Variants in MYO15A observed in about 807,000 individuals in gnomAD.
MYO15A encodes myosin XVA, also known as unconventional myosin-XV.
Under a neutral mutation model 394.6 loss-of-function variants are expected in MYO15A, and 308 were observed. The ratio of observed to expected loss-of-function variants is 0.78; its 90% confidence interval spans 0.71 to 0.86. MYO15A has a LOEUF of 0.86. MYO15A is among the 40% of genes least tolerant of loss of function. The pLI is 0.00. For missense variants in MYO15A, 4,606 were observed against 4,799.1 expected (o/e 0.96, Z 1.19); for synonymous variants, 1,957 against 2,003.8 (o/e 0.98, Z 0.62).
intron 23 of MYO15A, 95 bp from the exon 24 acceptor site, chr17:18,141,984 T>A: frequency 4.0e-6 from 6 of 1,501,900 alleles, no homozygotes; most frequent in Non-Finnish European, 5.5e-6. Context: ...GAGGCTGCCC[T>A]GCCTATTCTG....
At chr17:18,154,240 T>G in intron 44 of MYO15A, 50 bp downstream of exon 44, 1 of 1,603,736 alleles carries the variant, frequency 6.2e-7, no homozygotes, top group Non-Finnish European at 8.5e-7. Context: ...CAGGGCTGTG[T>G]GGACGCAAAG....
rs748846340 is a variant in MYO15A at position 18,148,063 on chromosome 17, G to A, written c.6544G>A (p.Ala2182Thr). The A allele has an allele frequency of 1.2e-6, 2 of 1,613,968 alleles. No individual in the cohort carries two copies. Among genetic ancestry groups the A allele is most frequent in the Non-Finnish European group, 1.7e-6 (2 of 1,180,036 alleles). ...VSDYGRNGFQAVCQHRLMQAM... is the reference protein window; with the variant it reads ...VSDYGRNGFQTVCQHRLMQAM... Reference sequence around the variant, plus strand: ...TGATTATGGGCGGAATGGCTTCCAGGCTGTGTGTCAGCACCGCCTCATGCA... The same window carrying A: ...TGATTATGGGCGGAATGGCTTCCAGACTGTGTGTCAGCACCGCCTCATGCA... The change falls in exon 31 of 66, where the codon GCT (alanine) becomes ACT (threonine). Residue 2182 changes from alanine to threonine, a missense_variant. Physicochemically the swap from Ala to Thr is moderately conservative, Grantham distance 58 (BLOSUM62 0). Around this residue, in one of 2 missense-constraint regions of MYO15A, gnomAD observed 2,776 missense variants for 3,109.3 expected, o/e 0.89. Coordinates refer to ENST00000647165, the MANE Select transcript of MYO15A (RefSeq NM_016239.4). The surrounding 1 kb of genome is among the most constrained non-coding windows in gnomAD (Gnocchi z 4.8).
intron 7 of MYO15A, among the ~76,000 whole-genome samples, chr17:18,128,300 T>C (rs1340325754): frequency 6.6e-6 from 1 of 152,146 alleles, no homozygotes; most frequent in Non-Finnish European, 1.5e-5. Flanking sequence ...ACCACCAGCC[T>C]GGAGCTCAGG....
intron 22 of MYO15A, 112 bp downstream of exon 22, chr17:18,141,255 T>C (rs2046374285): frequency 6.7e-7 from 1 of 1,498,582 alleles, no homozygotes; most frequent in African/African-American, 1.4e-5. Flanking sequence ...GTTGCTCAGG[T>C]TGTACACTTC....
At chr17:18,178,236 GGTGCATGCCTGTA>G (rs1171361979) in intron 65 of MYO15A, 1 of 200,712 alleles carries the variant, frequency 5.0e-6, no homozygotes, top group East Asian at 1.2e-4. Flanking sequence ...TGGGCGTGGT[GGTGCATGCCTGTA>G]GTCTCAGCTA....
intron 46 of MYO15A, 42 bp from the exon 47 acceptor site, chr17:18,155,272 T>G: frequency 1.2e-6 from 2 of 1,613,670 alleles, no homozygotes; most frequent in Non-Finnish European, 1.7e-6. Context: ...GATTCAGGGA[T>G]GAGACAAGAG....
Position 18,141,676 on chromosome 17 carries a change from A to G in MYO15A, c.5555A>G (p.Lys1852Arg). The change falls in exon 23 of 66, where the codon AAG becomes AGG. Residue 1852 changes from lysine to arginine, a missense_variant. By Grantham distance (26) the Lys-to-Arg change is conservative. Transcript: ENST00000647165. Reference protein sequence around the residue: ...IDRYCCLVALKHDLPANGDMC... With the variant: ...IDRYCCLVALRHDLPANGDMC... ...AGGTACTGCTGTCTAGTGGCCCTCAAGCATGACCTGCCGGCTAATGGGGAC... is the reference window on the plus strand; with the variant it reads ...AGGTACTGCTGTCTAGTGGCCCTCAGGCATGACCTGCCGGCTAATGGGGAC... 1 of 1,614,052 alleles carries G rather than the reference A, an allele frequency of 6.2e-7. No individual in the cohort carries two copies.
intron 60 of MYO15A, among the ~76,000 whole-genome samples, chr17:18,165,766 C>T (rs566324481): frequency 5.3e-5 from 8 of 152,200 alleles, no homozygotes; most frequent in Non-Finnish European, 1.2e-4. Context: ...GTAATCATAC[C>T]AAACTCCCTC....
chr17:18,153,009 T>A lies in MYO15A; in HGVS notation c.7967-766T>A, dbSNP rs2046609532. ...CAGTGAGAGCTTTGTTTCTGAATGA[T>A]CTGTGCCACCCACACCTGCCATGGG... is the stretch of plus-strand genomic sequence containing the variant. On this transcript the variant is annotated intron_variant, in intron 42 of 65. Coordinates refer to ENST00000647165, the MANE Select transcript of MYO15A (RefSeq NM_016239.4). The surrounding 1 kb of genome is among the most constrained non-coding windows in gnomAD (Gnocchi z 4.1). Among the ~76,000 whole-genome samples the A allele has an allele frequency of 1.3e-5, 2 of 152,328 alleles. No homozygotes were observed. Among genetic ancestry groups the A allele is most frequent in the South Asian group, 4.1e-4 (2 of 4,832 alleles).
At position 18,172,165 on chromosome 17, in the gene MYO15A, A is replaced by T. The variant is rs767149302; in HGVS notation, c.10225A>T (p.Ser3409Cys). The change falls in exon 64 of 66, where the codon AGC becomes TGC. Residue 3409 changes from serine to cysteine, a missense_variant. By Grantham distance (112) the Ser-to-Cys change is moderately radical (BLOSUM62 -1). Around this residue, in one of 2 missense-constraint regions of MYO15A, gnomAD observed 2,776 missense variants for 3,109.3 expected, o/e 0.89. Transcript: ENST00000647165. The stretch of plus-strand genomic sequence containing the variant: ...CCCCTCTCCCTGCCCAGGCCTCCTC[A>T]GCGCCTTACCTATGTTCGGCTCCTC... ...QARAQFLGLL[S>C]ALPMFGSSFF... 1 of 1,614,078 alleles carries T rather than the reference A, an allele frequency of 6.2e-7. No homozygotes were observed. Among genetic ancestry groups the T allele is most frequent in the African/African-American group, 1.3e-5 (1 of 75,008 alleles).
chr17:18,131,640 G>C, intron 10 of MYO15A, 109 bp downstream of exon 10: 1 of 1,290,288 alleles, frequency 7.8e-7, no homozygotes. Flanking sequence ...ATTAATGAAC[G>C]AATACATGCG....
Position 18,172,320 on chromosome 17 carries a change from G to A in MYO15A, c.10350+30G>A, listed in dbSNP as rs755336158. The A allele has an allele frequency of 1.4e-5, 23 of 1,613,840 alleles. No homozygotes were observed. In the Middle Eastern group the frequency reaches 4.9e-4, roughly 35 times the overall value. ...GTGGCCTCAGCCTGGCACTGCCATC[G>A]CCACCCTCTGTTCCCTGGTCCCCAA... is the stretch of plus-strand genomic sequence containing the variant. On this transcript the variant is annotated intron_variant, in intron 64 of 65. Coordinates refer to ENST00000647165, the MANE Select transcript of MYO15A (RefSeq NM_016239.4).
chr17:18,149,292 C>T lies in MYO15A; in HGVS notation c.7033C>T (p.Leu2345Phe), dbSNP rs1169534023. Residue 2345 changes from leucine to phenylalanine, a missense_variant, in exon 34 of 66, where the codon CTT (leucine) becomes TTT (phenylalanine). Physicochemically the swap from Leu to Phe is conservative, Grantham distance 22. Coordinates refer to ENST00000647165, the MANE Select transcript of MYO15A (RefSeq NM_016239.4). ...PQPQEHMPKVLDSDGYSSHNQ... is the reference protein window; with the variant it reads ...PQPQEHMPKVFDSDGYSSHNQ... ...GCCCCAGGAGCACATGCCCAAAGTA[C>T]TTGACTCTGATGGGTACAGCAGCCA... 3 of 1,613,872 alleles carry T rather than the reference C, an allele frequency of 1.9e-6. No homozygotes were observed. The highest frequency in any genetic ancestry group is 1.3e-5 in the African/African-American group (1 of 75,018).
At position 18,130,864 on chromosome 17, in the gene MYO15A, GTGTGTGTC is replaced by G. The variant is rs1343131588; in HGVS notation, c.4038+58_4038+65del. On this transcript the variant is annotated intron_variant, in intron 8 of 65. Coordinates refer to ENST00000647165, the MANE Select transcript of MYO15A (RefSeq NM_016239.4). ...TGTGTGTGTGTGTGTGTGTGTGTGTGTGTGTGTCTGTCCAGGAAAATGCGTGTGGATGT... is the reference window on the plus strand; with the variant it reads ...TGTGTGTGTGTGTGTGTGTGTGTGTGTGTCCAGGAAAATGCGTGTGGATGT... 1,237 of 1,501,090 alleles carry G rather than the reference GTGTGTGTC, an allele frequency of 8.2e-4. 1 individual carries two copies. Among genetic ancestry groups the G allele is most frequent in the Non-Finnish European group, 9.8e-4 (1,071 of 1,094,028 alleles). 93.0% of individuals were successfully genotyped at this position (1,501,090 alleles called of 1,614,324 possible). A position where few individuals can be genotyped will look rare whatever the true frequency, so the allele number is the denominator to read the frequency against.
rs1222870458 is a variant in MYO15A at position 18,116,516 on chromosome 17, A to G, written c.-219-2066A>G. On this transcript the variant is annotated intron_variant, in intron 1 of 65. Coordinates refer to ENST00000647165, the MANE Select transcript of MYO15A (RefSeq NM_016239.4). Reference sequence around the variant, plus strand: ...TATACTAATAGCTCATATCTCACAGACCTGCTGTGAGAGTCCCATGAGACC... The same window carrying G: ...TATACTAATAGCTCATATCTCACAGGCCTGCTGTGAGAGTCCCATGAGACC... Among the ~76,000 whole-genome samples the G allele has an allele frequency of 2.0e-5, 3 of 152,194 alleles. No individual in the cohort carries two copies. The East Asian group carries it at 5.8e-4, about 29-fold the overall frequency.
chr17:18,113,143 C>T (rs1248539424), intron 1 of MYO15A, among the ~76,000 whole-genome samples: 1 of 152,100 alleles, frequency 6.6e-6, no homozygotes, highest in Non-Finnish European at 1.5e-5. Flanking sequence ...GCCACCACAC[C>T]TGGCGCTGTA....
intron 1 of MYO15A, among the ~76,000 whole-genome samples, chr17:18,115,199 T>C (rs1212638665): frequency 6.6e-6 from 1 of 152,064 alleles, no homozygotes; most frequent in African/African-American, 2.4e-5. Flanking sequence ...TCCTACCACT[T>C]CTCCACACTT....
At chr17:18,144,663 A>G (rs2046445045) in intron 29 of MYO15A, 71 bp downstream of exon 29, 1 of 1,480,120 alleles carries the variant, frequency 6.8e-7, no homozygotes, top group Non-Finnish European at 9.3e-7. Flanking sequence ...TGAGGCTCCC[A>G]GTCTTCCCAG....
rs1347371682 is a variant in MYO15A at position 18,121,992 on chromosome 17, A to G, written c.3192A>G (p.Pro1064=). The change falls in exon 2 of 66, where the codon CCA becomes CCG. Residue 1064 remains proline, a synonymous_variant. Coordinates refer to ENST00000647165, the MANE Select transcript of MYO15A (RefSeq NM_016239.4). This position sits in a 1 kb window ranked among gnomAD's most constrained non-coding sequence, Gnocchi z 5.3. ...QKTLRPSLSY[P]LAACDQTRAT... The stretch of plus-strand genomic sequence containing the variant: ...CATTAAGGCCCAGCCTCTCATACCC[A>G]CTGGCTGCGTGTGACCAGACCAGGG... 1.9e-6 allele frequency: 3 copies of G among 1,612,736 alleles called. No homozygotes were observed. Among genetic ancestry groups the G allele is most frequent in the African/African-American group, 1.3e-5 (1 of 74,714 alleles).
Sources: gnomAD v4.1 joint callset for allele counts (sites outside exome capture counted in the v4.1 genomes callset) on GRCh38, gnomAD v4.1.1 for gene constraint, gnomAD v4.1.1 regional missense constraint, Gnocchi (gnomAD v3.1) non-coding constraint, MANE v1.5 for transcripts, NCBI Gene and HGNC (gene_info 2026-07-23, HGNC 2026-07-21) for gene names.